The following FAM174A variants were observed in gnomAD, a reference collection of about 807,000 sequenced individuals.
FAM174A encodes the protein family with sequence similarity 174 member A.
In FAM174A, 14 loss-of-function variants were observed where a neutral mutation model predicts 14.3. That is an observed-to-expected ratio of 0.98 (90% CI 0.65 to 1.53). FAM174A has a LOEUF of 1.53. FAM174A is among the 40% of genes most tolerant of loss of function. FAM174A has a pLI of 0.00. For missense variants in FAM174A, 241 were observed against 249.6 expected (o/e 0.97, Z 0.23); for synonymous variants, 108 against 111.4 (o/e 0.97, Z 0.19).
intron 2 of FAM174A, among the ~76,000 whole-genome samples, chr5:100,584,381 A>C (rs1487585605): frequency 6.6e-6 from 1 of 151,798 alleles, no homozygotes; most frequent in East Asian, 1.9e-4. Context: ...CTGTATTAAA[A>C]ACTGTTTAGG....
intron 1 of FAM174A, among the ~76,000 whole-genome samples, chr5:100,560,944 C>G (rs1162707260): frequency 6.6e-6 from 1 of 151,980 alleles, no homozygotes; most frequent in Admixed American, 6.6e-5. Context: ...AAGTAGAAGT[C>G]ACTCAGACCC....
chr5:100,549,767 GT>G (rs1308186581), intron 1 of FAM174A, among the ~76,000 whole-genome samples: 2 of 151,848 alleles, frequency 1.3e-5, no homozygotes, highest in African/African-American at 4.8e-5. Context: ...AATAGAGAGG[GT>G]TTTTTTAAAA....
At chr5:100,550,297 G>A (rs1746238675) in intron 1 of FAM174A, among the ~76,000 whole-genome samples, 1 of 152,184 alleles carries the variant, frequency 6.6e-6, no homozygotes, top group South Asian at 2.1e-4. Context: ...GAGTCAGAAA[G>A]CTGTTGCCTC....
chr5:100,557,552 A>T (rs1746419377), intron 1 of FAM174A, among the ~76,000 whole-genome samples: 1 of 152,104 alleles, frequency 6.6e-6, no homozygotes, highest in Non-Finnish European at 1.5e-5. Context: ...TTCGGCTGTG[A>T]ATCCATCTGG....
chr5:100,581,457 T>A, intron 2 of FAM174A: 1 of 897,088 alleles, frequency 1.1e-6, no homozygotes, highest in Non-Finnish European at 1.3e-6. Context: ...GTTAATCAAA[T>A]AAGAGCCTAT....
chr5:100,585,571 A>G (rs1747112127), intron 2 of FAM174A, among the ~76,000 whole-genome samples: 1 of 151,884 alleles, frequency 6.6e-6, no homozygotes, highest in East Asian at 1.9e-4. Context: ...GCGCCATCAC[A>G]CCTGGCTAAT....
intron 1 of FAM174A, among the ~76,000 whole-genome samples, chr5:100,557,257 G>T (rs1746410693): frequency 6.6e-6 from 1 of 152,068 alleles, no homozygotes; most frequent in African/African-American, 2.4e-5. Flanking sequence ...TGCGTATGTT[G>T]AACCAGCCTT....
chr5:100,578,181 G>T (rs997249595), intron 2 of FAM174A, among the ~76,000 whole-genome samples: 23 of 152,038 alleles, frequency 1.5e-4, no homozygotes, highest in African/African-American at 5.3e-4. Flanking sequence ...CTAATCTTCA[G>T]ATTTCAATGA....
At chr5:100,549,122 T>G (rs960196754) in intron 1 of FAM174A, among the ~76,000 whole-genome samples, 1 of 151,738 alleles carries the variant, frequency 6.6e-6, no homozygotes, top group Non-Finnish European at 1.5e-5. Context: ...GTAGATAGAG[T>G]CAGTGTAAGG....
chr5:100,582,859 A>G (rs1440605888), intron 2 of FAM174A, among the ~76,000 whole-genome samples: 1 of 152,184 alleles, frequency 6.6e-6, no homozygotes, highest in African/African-American at 2.4e-5. Context: ...GAACCATAGA[A>G]ATGAATAACT....
chr5:100,547,604 T>G (rs1450685155), intron 1 of FAM174A, among the ~76,000 whole-genome samples: 1 of 152,054 alleles, frequency 6.6e-6, no homozygotes, highest in Non-Finnish European at 1.5e-5. Context: ...TATTTTAGAT[T>G]GAAAATTGCT....
chr5:100,549,994 GAGAAGTTAAA>G, intron 1 of FAM174A, among the ~76,000 whole-genome samples: 1 of 152,040 alleles, frequency 6.6e-6, no homozygotes. Flanking sequence ...ATAGAATGCT[GAGAAGTTAAA>G]AGTAGTACAA....
intron 2 of FAM174A, among the ~76,000 whole-genome samples, chr5:100,571,659 TAA>T (rs1015767763): frequency 8.0e-6 from 1 of 124,796 alleles, no homozygotes; most frequent in Non-Finnish European, 1.6e-5. Context: ...AGTATATACC[TAA>T]GTGTGTGTGT....
intron 1 of FAM174A, among the ~76,000 whole-genome samples, chr5:100,545,924 A>G: frequency 6.6e-6 from 1 of 152,278 alleles, no homozygotes; most frequent in East Asian, 1.9e-4. Flanking sequence ...TTAAATTTAT[A>G]TAGATGTATA....
At chr5:100,548,121 C>T (rs914821980) in intron 1 of FAM174A, among the ~76,000 whole-genome samples, 2 of 151,984 alleles carry the variant, frequency 1.3e-5, no homozygotes, top group African/African-American at 2.4e-5. Flanking sequence ...CTCATTTGTC[C>T]GAACTGCTTC....
intron 1 of FAM174A, among the ~76,000 whole-genome samples, chr5:100,561,529 A>G (rs1160572051): frequency 1.3e-5 from 2 of 151,872 alleles, no homozygotes; most frequent in Admixed American, 6.6e-5. Context: ...TTTGCTGTAC[A>G]TTTTGATTCA....
chr5:100,586,728 T>C lies in FAM174A; in HGVS notation c.*544T>C, dbSNP rs1747132140. The C allele has an allele frequency of 1.3e-5, 2 of 152,194 alleles. No homozygotes were observed. The highest frequency in any genetic ancestry group is 2.9e-5 in the Non-Finnish European group (2 of 68,020). 9.4% of individuals were successfully genotyped at this position (152,194 alleles called of 1,614,324 possible). On this transcript the variant is annotated 3_prime_UTR_variant, in exon 3 of 3. Coordinates refer to ENST00000312637, the MANE Select transcript of FAM174A (RefSeq NM_198507.3). ...GTTTGCAAAACAATAAATATGATTT[T>C]AAATTCTCTTAAAGTGGTCCAAATT...
chr5:100,558,886 T>A (rs1168439849), intron 1 of FAM174A, among the ~76,000 whole-genome samples: 1 of 152,200 alleles, frequency 6.6e-6, no homozygotes, highest in African/African-American at 2.4e-5. Flanking sequence ...CTTGACTCTT[T>A]ATCCAATTTG....
At chr5:100,551,350 C>CGATGACT (rs1746259129) in intron 1 of FAM174A, among the ~76,000 whole-genome samples, 1 of 152,048 alleles carries the variant, frequency 6.6e-6, no homozygotes, top group Admixed American at 6.6e-5. Context: ...TGTCCCTAGC[C>CGATGACT]GATGACTGAG....
Sources: allele counts gnomAD v4.1 joint callset (sites outside exome capture counted in the v4.1 genomes callset), GRCh38; gene constraint gnomAD v4.1.1; transcripts MANE v1.5; gene names NCBI Gene and HGNC (gene_info 2026-07-23, HGNC 2026-07-21).